Variants in TMEM178B observed in about 807,000 individuals in gnomAD.
The protein encoded by TMEM178B is transmembrane protein 178B.
TMEM178B carries 5 observed loss-of-function variants against 31.0 expected under a neutral mutation model. That is an observed-to-expected ratio of 0.16 (90% confidence interval 0.08 to 0.34). TMEM178B has a LOEUF of 0.34. Ranked by LOEUF, TMEM178B falls within the 10% of genes least tolerant of loss-of-function variation. TMEM178B has a pLI of 1.00. For synonymous variants in TMEM178B, 164 were observed against 164.0 expected (o/e 1.00, Z 0.00); for missense variants, 275 against 400.3 (o/e 0.69, Z 2.67).
At chr7:141,386,812 T>C (rs557394498) in intron 2 of TMEM178B, among the ~76,000 whole-genome samples, 5 of 152,216 alleles carry the variant, frequency 3.3e-5, no homozygotes, top group African/African-American at 7.2e-5. Context: ...GCTCATGAAA[T>C]TGAATAAGAG....
intron 2 of TMEM178B, among the ~76,000 whole-genome samples, chr7:141,248,724 T>A (rs1797780709): frequency 6.6e-6 from 1 of 152,232 alleles, no homozygotes; most frequent in African/African-American, 2.4e-5. Context: ...GAATGGAGCT[T>A]GCAGGACTGC....
At chr7:141,300,866 T>G (rs1798712213) in intron 2 of TMEM178B, among the ~76,000 whole-genome samples, 1 of 152,188 alleles carries the variant, frequency 6.6e-6, no homozygotes, top group African/African-American at 2.4e-5. Flanking sequence ...CTGTTTACCC[T>G]TCTTAATTTT....
At chr7:141,370,437 T>G (rs182599194) in intron 2 of TMEM178B, among the ~76,000 whole-genome samples, 6 of 152,210 alleles carry the variant, frequency 3.9e-5, no homozygotes, top group African/African-American at 1.2e-4. Flanking sequence ...ACATGGTATC[T>G]GCCTTCAAAG....
At chr7:141,362,828 G>C (rs1018929674) in intron 2 of TMEM178B, among the ~76,000 whole-genome samples, 1 of 152,178 alleles carries the variant, frequency 6.6e-6, no homozygotes, top group Non-Finnish European at 1.5e-5. Context: ...GAAACCACCC[G>C]GGCTGTAGCC....
chr7:141,271,919 A>G (rs1182108036), intron 2 of TMEM178B, among the ~76,000 whole-genome samples: 1 of 152,186 alleles, frequency 6.6e-6, no homozygotes, highest in African/African-American at 2.4e-5. Context: ...ATCAGCATTT[A>G]AACTTGCATT....
At chr7:141,409,873 A>C in intron 2 of TMEM178B, among the ~76,000 whole-genome samples, 1 of 152,088 alleles carries the variant, frequency 6.6e-6, no homozygotes, top group South Asian at 2.1e-4. Context: ...ACAAAGTGGG[A>C]TTCCAGCTCT....
Position 141,344,983 on chromosome 7 carries a change from T to G in TMEM178B, c.497-92625T>G, listed in dbSNP as rs1389830454. On this transcript the variant is annotated intron_variant, in intron 2 of 3. Coordinates refer to ENST00000565468, the MANE Select transcript of TMEM178B (RefSeq NM_001195278.2). The surrounding 1 kb of genome is among the most constrained non-coding windows in gnomAD (Gnocchi z 4.1). Reference sequence around the variant, plus strand: ...TGAGTTAATAGCTAACAAGATGTAGTAAAGAAATAGGTTCTACTTTTATGA... The same window carrying G: ...TGAGTTAATAGCTAACAAGATGTAGGAAAGAAATAGGTTCTACTTTTATGA... Among the ~76,000 whole-genome samples the G allele has an allele frequency of 6.6e-6, 1 of 152,208 alleles. No homozygotes were observed. Among genetic ancestry groups the G allele is most frequent in the Non-Finnish European group, 1.5e-5 (1 of 68,030 alleles).
At chr7:141,315,375 C>T (rs1399614736) in intron 2 of TMEM178B, among the ~76,000 whole-genome samples, 1 of 152,184 alleles carries the variant, frequency 6.6e-6, no homozygotes, top group Non-Finnish European at 1.5e-5. Flanking sequence ...GAATCCACAC[C>T]TCCAGTCAAG....
Position 141,129,659 on chromosome 7 carries a change from A to G in TMEM178B, c.382+54967A>G, listed in dbSNP as rs948152330. Reference sequence around the variant, plus strand: ...CAAACTCTTAAAATTATTTGAAGAGATATATTCTGAGCCAAATGTGAGTGA... The same window carrying G: ...CAAACTCTTAAAATTATTTGAAGAGGTATATTCTGAGCCAAATGTGAGTGA... On this transcript the variant is annotated intron_variant, in intron 1 of 3. Coordinates refer to ENST00000565468, the MANE Select transcript of TMEM178B (RefSeq NM_001195278.2). 2.6e-5 allele frequency among the ~76,000 whole-genome samples: 4 copies of G among 152,204 alleles called. No individual in the cohort carries two copies. The East Asian group carries it at 7.7e-4, about 29-fold the overall frequency.
At chr7:141,281,766 G>A (rs190504827) in intron 2 of TMEM178B, among the ~76,000 whole-genome samples, 98 of 152,318 alleles carry the variant, frequency 6.4e-4, no homozygotes, top group Middle Eastern at 3.4e-3. Flanking sequence ...GGAACAGCAT[G>A]TGTGCAAAGG....
chr7:141,292,460 C>G (rs1362214545), intron 2 of TMEM178B, among the ~76,000 whole-genome samples: 13 of 152,098 alleles, frequency 8.5e-5, no homozygotes. Flanking sequence ...ATGAGCTTGC[C>G]CTTGCAAGCT....
chr7:141,443,675 T>C (rs1801702187), intron 3 of TMEM178B, among the ~76,000 whole-genome samples: 1 of 152,188 alleles, frequency 6.6e-6, no homozygotes, highest in African/African-American at 2.4e-5. Flanking sequence ...CCATTTCCCA[T>C]GACTTCCTCG....
At chr7:141,280,252 T>C (rs1798334158) in intron 2 of TMEM178B, among the ~76,000 whole-genome samples, 1 of 152,164 alleles carries the variant, frequency 6.6e-6, no homozygotes, top group South Asian at 2.1e-4. Context: ...GGCTCTTGAC[T>C]ACCCAAACAG....
At chr7:141,297,154 A>G (rs897586256) in intron 2 of TMEM178B, 11 of 152,184 alleles carry the variant, frequency 7.2e-5, no homozygotes, top group Non-Finnish European at 1.3e-4. Flanking sequence ...AAACAACTCT[A>G]AGGGGCAGTG....
intron 3 of TMEM178B, among the ~76,000 whole-genome samples, chr7:141,464,311 C>G (rs1395623917): frequency 6.6e-6 from 1 of 152,062 alleles, no homozygotes; most frequent in Non-Finnish European, 1.5e-5. Flanking sequence ...TTACCAGTTG[C>G]TACTGGATAT....
At chr7:141,438,625 C>T (rs1424578675) in intron 3 of TMEM178B, among the ~76,000 whole-genome samples, 1 of 140,228 alleles carries the variant, frequency 7.1e-6, no homozygotes, top group Non-Finnish European at 1.5e-5. Context: ...CTTTGGGAGA[C>T]CAAGGTGGGT....
At chr7:141,226,037 C>G (rs375261799) in intron 2 of TMEM178B, among the ~76,000 whole-genome samples, 1 of 152,140 alleles carries the variant, frequency 6.6e-6, no homozygotes, top group African/African-American at 2.4e-5. Flanking sequence ...TCCGAAACCA[C>G]GAGGCTGCTA....
In TMEM178B at chr7:141,124,494, C is replaced by G. The variant is rs373980129; in HGVS notation, c.382+49802C>G. Among the ~76,000 whole-genome samples the G allele has an allele frequency of 4.8e-4, 73 of 152,318 alleles. 2 individuals carry two copies. In the South Asian group the frequency reaches 0.014, roughly 29 times the overall value. ...ATTTTTCTTGTGTCTCCTTCTGCCTCCTTTTACTATTGGCAAGCATGGTTG... is the reference window on the plus strand; with the variant it reads ...ATTTTTCTTGTGTCTCCTTCTGCCTGCTTTTACTATTGGCAAGCATGGTTG... On this transcript the variant is annotated intron_variant, in intron 1 of 3. Coordinates refer to ENST00000565468, the MANE Select transcript of TMEM178B (RefSeq NM_001195278.2).
chr7:141,439,053 G>A (rs893796255), intron 3 of TMEM178B, among the ~76,000 whole-genome samples: 2 of 151,776 alleles, frequency 1.3e-5, no homozygotes, highest in Admixed American at 1.3e-4. Context: ...GTGAAGGAGA[G>A]AGCCATGCTG....
Sources: allele counts gnomAD v4.1 joint callset (sites outside exome capture counted in the v4.1 genomes callset), GRCh38; gene constraint gnomAD v4.1.1; non-coding constraint Gnocchi (gnomAD v3.1); transcripts MANE v1.5; gene names NCBI Gene and HGNC (gene_info 2026-07-23, HGNC 2026-07-21).